VGLL4: variants seen among roughly 807,000 people sequenced by gnomAD.
The protein encoded by VGLL4 is vestigial like family member 4.
In VGLL4, 7 loss-of-function variants were observed where a neutral mutation model predicts 21.0. The ratio of observed to expected loss-of-function variants is 0.33; its 90% CI spans 0.19 to 0.63. The LOEUF is 0.63. VGLL4 is among the 20% of genes least tolerant of loss of function. VGLL4 has a pLI of 0.78. For synonymous variants in VGLL4, 222 were observed against 173.2 expected, an observed-to-expected ratio of 1.28 and a Z score of -2.21; for missense variants, 394 against 425.7, an observed-to-expected ratio of 0.93 and a Z score of 0.66.
intron 2 of VGLL4, among the ~76,000 whole-genome samples, chr3:11,572,851 C>T (rs528255531): frequency 1.3e-5 from 2 of 152,152 alleles, no homozygotes; most frequent in South Asian, 4.2e-4. Context: ...CGCCTGGGCA[C>T]TCTTTGGTTT....
At chr3:11,572,600 T>C (rs906242211) in intron 2 of VGLL4, among the ~76,000 whole-genome samples, 12 of 152,194 alleles carry the variant, frequency 7.9e-5, no homozygotes, top group African/African-American at 2.7e-4. Context: ...GCTACCTGAC[T>C]GTCGTCCTCT....
At chr3:11,704,409 A>AAAAAGAAT (rs375575633) in intron 1 of VGLL4, among the ~76,000 whole-genome samples, 4 of 150,054 alleles carry the variant, frequency 2.7e-5, no homozygotes, top group African/African-American at 9.8e-5. Flanking sequence ...AAAAAAAGAA[A>AAAAAGAAT]AAAAGAAAAG....
rs1363499732 is a variant in VGLL4, at chr3:11,557,135, G to A, written c.*1421C>T. 1 of 152,560 alleles carries A rather than the reference G, an allele frequency of 6.6e-6. No homozygotes were observed. The highest frequency in any genetic ancestry group is 1.5e-5 in the Non-Finnish European group (1 of 68,012). 9.5% of individuals were successfully genotyped at this position (152,560 alleles called of 1,614,324 possible). On this transcript the variant is annotated 3_prime_UTR_variant, in exon 5 of 5. Coordinates refer to ENST00000430365, the MANE Select transcript of VGLL4 (RefSeq NM_001128219.3). ...GGACACAGCACACCCCAGGGGGAGGGGATAGAAACGCTCATTGACCAAAAA... is the reference window on the plus strand; with the variant it reads ...GGACACAGCACACCCCAGGGGGAGGAGATAGAAACGCTCATTGACCAAAAA...
chr3:11,581,063 CTTT>C (rs373891384), intron 2 of VGLL4, among the ~76,000 whole-genome samples: 1 of 104,072 alleles, frequency 9.6e-6, no homozygotes, highest in Non-Finnish European at 1.8e-5. Context: ...TCTGCAACTC[CTTT>C]TTTTTTTTTT....
intron 1 of VGLL4, among the ~76,000 whole-genome samples, chr3:11,603,395 AG>A (rs1459303431): frequency 6.6e-6 from 1 of 152,222 alleles, no homozygotes; most frequent in Non-Finnish European, 1.5e-5. Context: ...TGCCACACTC[AG>A]AAATTCAGTA....
intron 2 of VGLL4, among the ~76,000 whole-genome samples, chr3:11,677,860 G>A (rs1214231695): frequency 1.4e-5 from 2 of 145,826 alleles, no homozygotes; most frequent in African/African-American, 2.5e-5. Flanking sequence ...AGCTGAGATC[G>A]TGCCACTGTA....
intron 2 of VGLL4, chr3:11,693,213 G>C (rs2076557806): frequency 5.9e-6 from 1 of 170,456 alleles, no homozygotes; most frequent in African/African-American, 2.4e-5. Context: ...AAACTACAAA[G>C]TATTATCAAA....
intron 1 of VGLL4, chr3:11,710,448 G>A (rs546882442): frequency 3.9e-5 from 6 of 152,302 alleles, no homozygotes; most frequent in Non-Finnish European, 7.3e-5. Flanking sequence ...GTAAGAGTAC[G>A]AGAACATGGA....
intron 2 of VGLL4, among the ~76,000 whole-genome samples, chr3:11,592,805 A>T (rs755776291): frequency 1.3e-5 from 2 of 152,124 alleles, no homozygotes; most frequent in African/African-American, 2.4e-5. Flanking sequence ...TAAAGGAGGG[A>T]TAACGATAGT....
At chr3:11,673,608 C>A (rs1022177151) in intron 2 of VGLL4, among the ~76,000 whole-genome samples, 1 of 152,118 alleles carries the variant, frequency 6.6e-6, no homozygotes, top group African/African-American at 2.4e-5. Flanking sequence ...ATAATAGTTG[C>A]TTTTTCTTCT....
chr3:11,612,829 A>C (rs1359325258), intron 1 of VGLL4, among the ~76,000 whole-genome samples: 2 of 152,234 alleles, frequency 1.3e-5, no homozygotes, highest in Non-Finnish European at 2.9e-5. Flanking sequence ...AGAACCTTTA[A>C]CACCAAGTGC....
upstream of VGLL4, among the ~76,000 whole-genome samples, chr3:11,644,638 G>C (rs1276120281): frequency 2.0e-5 from 3 of 152,086 alleles, no homozygotes; most frequent in Admixed American, 2.0e-4. Flanking sequence ...TTGAGGTCAA[G>C]AGTTCAAGAC....
intron 2 of VGLL4, among the ~76,000 whole-genome samples, chr3:11,686,438 T>C (rs1352307172): frequency 6.6e-6 from 1 of 152,202 alleles, no homozygotes; most frequent in Non-Finnish European, 1.5e-5. Context: ...TGATTCCACA[T>C]ATATGAAGTA....
At chr3:11,561,891 C>CTTT (rs35380668) in intron 3 of VGLL4, among the ~76,000 whole-genome samples, 2,042 of 88,548 alleles carry the variant, frequency 0.023, 45 homozygotes, top group Middle Eastern at 0.032. Context: ...CTGCGCCAAA[C>CTTT]TTTTTTTTTT....
At chr3:11,645,480 C>G (rs1330720068), upstream of VGLL4, among the ~76,000 whole-genome samples, 1 of 134,586 alleles carries the variant, frequency 7.4e-6, no homozygotes, top group Non-Finnish European at 1.6e-5. Flanking sequence ...GTCCCAGCTA[C>G]TCGGGAGGCT....
intron 2 of VGLL4, among the ~76,000 whole-genome samples, chr3:11,668,546 T>C (rs1461421473): frequency 1.3e-5 from 2 of 152,084 alleles, no homozygotes; most frequent in Non-Finnish European, 2.9e-5. Flanking sequence ...GGGTAAACGT[T>C]TGAGAAGGAC....
intron 2 of VGLL4, among the ~76,000 whole-genome samples, chr3:11,691,749 G>T (rs905606555): frequency 5.3e-5 from 8 of 152,190 alleles, no homozygotes; most frequent in African/African-American, 1.4e-4. Flanking sequence ...GTAGTGCTGG[G>T]CACAATGTCC....
chr3:11,589,441 A>G (rs962642806), intron 2 of VGLL4, among the ~76,000 whole-genome samples: 8 of 152,150 alleles, frequency 5.3e-5, no homozygotes, highest in African/African-American at 1.9e-4. Context: ...ACACCATTTC[A>G]TGTTCATACT....
intron 2 of VGLL4, among the ~76,000 whole-genome samples, chr3:11,666,944 T>C (rs1042505480): frequency 6.6e-6 from 1 of 152,182 alleles, no homozygotes; most frequent in Non-Finnish European, 1.5e-5. Flanking sequence ...TCCAGCCTCC[T>C]TCCTGACTCC....
Sources: gnomAD v4.1 joint callset for allele counts (sites outside exome capture counted in the v4.1 genomes callset) on GRCh38, gnomAD v4.1.1 for gene constraint, MANE v1.5 for transcripts, NCBI Gene and HGNC (gene_info 2026-07-23, HGNC 2026-07-21) for gene names.